AGBL1: variants seen among roughly 807,000 people sequenced by gnomAD.
The protein encoded by AGBL1 is AGBL carboxypeptidase 1.
In AGBL1, 130 loss-of-function variants were observed where a neutral mutation model predicts 118.9. That is an observed-to-expected ratio of 1.09 (90% CI 0.95 to 1.26). AGBL1 has a LOEUF of 1.26. Ranked by LOEUF, AGBL1 falls within the 50% of genes most tolerant of loss-of-function variation. The pLI is 0.00. For synonymous variants in AGBL1, 555 were observed against 478.9 expected, an observed-to-expected ratio of 1.16 and a Z score of -2.08; for missense variants, 1,584 against 1,298.1, an observed-to-expected ratio of 1.22 and a Z score of -3.38.
chr15:86,945,070 A>C (rs1403638013), intron 23 of AGBL1, among the ~76,000 whole-genome samples: 1 of 152,032 alleles, frequency 6.6e-6, no homozygotes, highest in African/African-American at 2.4e-5. Context: ...AAATGATGAC[A>C]TAGTAAGCAG....
At chr15:86,844,677 A>G (rs1006269157) in intron 22 of AGBL1, among the ~76,000 whole-genome samples, 2 of 151,986 alleles carry the variant, frequency 1.3e-5, no homozygotes, top group Admixed American at 1.3e-4. Context: ...TATTTTCTTT[A>G]TGGTATTTTT....
At chr15:86,165,051 G>A (rs1018806745) in intron 5 of AGBL1, among the ~76,000 whole-genome samples, 1 of 152,202 alleles carries the variant, frequency 6.6e-6, no homozygotes, top group Admixed American at 6.5e-5. Flanking sequence ...CTCAGGGTCA[G>A]TCTCATGTTA....
chr15:86,897,404 A>AT (rs570889381), intron 22 of AGBL1, among the ~76,000 whole-genome samples: 5 of 152,012 alleles, frequency 3.3e-5, no homozygotes, highest in South Asian at 4.2e-4. Context: ...TGTATATGAG[A>AT]TTTTTTTCTA....
chr15:86,701,631 TCTC>T (rs1187577325), intron 22 of AGBL1, among the ~76,000 whole-genome samples: 1 of 151,194 alleles, frequency 6.6e-6, no homozygotes, highest in Non-Finnish European at 1.5e-5. Flanking sequence ...ACATGTCTCC[TCTC>T]CTCTCCTCCC....
intron 21 of AGBL1, among the ~76,000 whole-genome samples, chr15:86,661,065 A>C (rs1055179560): frequency 2.0e-5 from 3 of 152,152 alleles, no homozygotes; most frequent in Non-Finnish European, 2.9e-5. Flanking sequence ...TCACCTTTAA[A>C]ACACTGTGCA....
intron 22 of AGBL1, among the ~76,000 whole-genome samples, chr15:86,808,835 A>G (rs1311215852): frequency 6.6e-6 from 1 of 151,066 alleles, no homozygotes. Flanking sequence ...TCTTGACTTC[A>G]ATTTTAGTTG....
chr15:86,415,362 A>G (rs1316079837), intron 18 of AGBL1, among the ~76,000 whole-genome samples: 1 of 152,168 alleles, frequency 6.6e-6, no homozygotes, highest in Non-Finnish European at 1.5e-5. Context: ...TGAGGGATAC[A>G]CCACAGTATC....
intron 22 of AGBL1, among the ~76,000 whole-genome samples, chr15:86,808,663 CTCCTTCCTTTTCTT>C (rs2078749933): frequency 7.2e-6 from 1 of 138,752 alleles, no homozygotes; most frequent in Non-Finnish European, 1.5e-5. Context: ...CCTTTCTTTC[CTCCTTCCTTTTCTT>C]TCCTTCCTTT....
intron 5 of AGBL1, among the ~76,000 whole-genome samples, chr15:86,191,025 A>G (rs1471083678): frequency 6.6e-6 from 1 of 152,140 alleles, no homozygotes; most frequent in Non-Finnish European, 1.5e-5. Flanking sequence ...TGAGCTGGTA[A>G]GAAAGATGCC....
At chr15:86,308,155 A>T (rs2079868705) in intron 17 of AGBL1, among the ~76,000 whole-genome samples, 1 of 152,164 alleles carries the variant, frequency 6.6e-6, no homozygotes, top group Non-Finnish European at 1.5e-5. Context: ...TTGAGTTGGC[A>T]TCTGAGTTAC....
chr15:86,313,300 T>G (rs1420506637), intron 17 of AGBL1, among the ~76,000 whole-genome samples: 1 of 152,118 alleles, frequency 6.6e-6, no homozygotes. Flanking sequence ...TTATTCAGAT[T>G]CTGAACTCTT....
chr15:86,528,031 A>G (rs1014833157), intron 19 of AGBL1, among the ~76,000 whole-genome samples: 2 of 152,190 alleles, frequency 1.3e-5, no homozygotes, highest in African/African-American at 4.8e-5. Flanking sequence ...TCATATATGT[A>G]TAATTATGGT....
At chr15:86,171,877 A>G (rs2077420885) in intron 5 of AGBL1, among the ~76,000 whole-genome samples, 1 of 152,222 alleles carries the variant, frequency 6.6e-6, no homozygotes. Flanking sequence ...GAAACAAAAT[A>G]GTGGCATTCA....
chr15:86,356,017 TG>T (rs2080710937), intron 17 of AGBL1, among the ~76,000 whole-genome samples: 1 of 152,194 alleles, frequency 6.6e-6, no homozygotes, highest in African/African-American at 2.4e-5. Flanking sequence ...CCTAGGCAGT[TG>T]GGCAGTATGT....
At chr15:86,163,009 C>T (rs1458787963) in intron 5 of AGBL1, among the ~76,000 whole-genome samples, 2 of 152,246 alleles carry the variant, frequency 1.3e-5, no homozygotes, top group East Asian at 1.9e-4. Flanking sequence ...CTATTGGACT[C>T]TGTACTATAT....
At chr15:86,800,734 A>T (rs2078638143) in intron 22 of AGBL1, among the ~76,000 whole-genome samples, 1 of 152,150 alleles carries the variant, frequency 6.6e-6, no homozygotes, top group Non-Finnish European at 1.5e-5. Flanking sequence ...CAGTTTTGGG[A>T]TGCTGTATAT....
At chr15:86,206,533 G>A (rs2077994949) in intron 5 of AGBL1, among the ~76,000 whole-genome samples, 1 of 152,270 alleles carries the variant, frequency 6.6e-6, no homozygotes, top group Non-Finnish European at 1.5e-5. Flanking sequence ...GTATCTCATT[G>A]TAGTTTTGAT....
At chr15:86,791,330 G>A (rs573105262) in intron 22 of AGBL1, among the ~76,000 whole-genome samples, 5 of 152,254 alleles carry the variant, frequency 3.3e-5, no homozygotes, top group African/African-American at 1.2e-4. Context: ...GTATGACTTT[G>A]AATAAGTATT....
chr15:86,291,354 G>T (rs536220586), intron 16 of AGBL1, among the ~76,000 whole-genome samples: 1 of 142,382 alleles, frequency 7.0e-6, no homozygotes, highest in Non-Finnish European at 1.5e-5. Context: ...TGTACAATGG[G>T]TTTATTTATG....
Sources: gnomAD v4.1 joint callset for allele counts (sites outside exome capture counted in the v4.1 genomes callset) on GRCh38, gnomAD v4.1.1 for gene constraint, MANE v1.5 for transcripts, NCBI Gene and HGNC (gene_info 2026-07-23, HGNC 2026-07-21) for gene names.